The following USP34 variants were observed in gnomAD, a reference collection of about 807,000 sequenced individuals.
The protein encoded by USP34 is ubiquitin specific peptidase 34.
USP34 carries 70 observed loss-of-function variants against 460.3 expected under a neutral mutation model. That is an observed-to-expected ratio of 0.15 (90% CI 0.13 to 0.19). USP34 has a LOEUF of 0.19. Among genes scored for constraint, USP34 ranks in the 10% least tolerant of loss-of-function variants. USP34 has a pLI of 1.00. For synonymous variants in USP34, 1,647 were observed against 1,405.3 expected, an observed-to-expected ratio of 1.17 and a Z score of -3.85; for missense variants, 3,985 against 4,236.2, an observed-to-expected ratio of 0.94 and a Z score of 1.65.
chr2:61,437,817 A>ATAAATAAATAAATAAC (rs1553391325), intron 1 of USP34, among the ~76,000 whole-genome samples: 2 of 149,782 alleles, frequency 1.3e-5, no homozygotes, highest in East Asian at 1.9e-4. Flanking sequence ...AAATAAATAA[A>ATAAATAAATAAATAAC]AAACCTGAAC....
intron 1 of USP34, among the ~76,000 whole-genome samples, chr2:61,456,509 G>A (rs1393638938): frequency 6.6e-6 from 1 of 152,150 alleles, no homozygotes; most frequent in Non-Finnish European, 1.5e-5. Flanking sequence ...GTGGTATGAA[G>A]ATGTGGTATA....
chr2:61,431,351 T>C (rs1179836933), intron 1 of USP34, among the ~76,000 whole-genome samples: 1 of 152,144 alleles, frequency 6.6e-6, no homozygotes, highest in Non-Finnish European at 1.5e-5. Flanking sequence ...GCCTCCCAAG[T>C]AGCTGAGACT....
chr2:61,193,391 T>C (rs941434810), intron 75 of USP34: 1 of 86,836 alleles, frequency 1.2e-5, no homozygotes, highest in African/African-American at 4.1e-5. Context: ...AAAAAAAAAG[T>C]GGAGAATTAA....
At chr2:61,369,996 A>AC (rs1045684003) in intron 10 of USP34, among the ~76,000 whole-genome samples, 2 of 151,782 alleles carry the variant, frequency 1.3e-5, no homozygotes, top group Admixed American at 6.6e-5. Context: ...AAAAAAAAAA[A>AC]AAAAAACAGT....
chr2:61,423,674 C>G (rs1252847231), intron 1 of USP34, among the ~76,000 whole-genome samples: 2 of 152,168 alleles, frequency 1.3e-5, no homozygotes, highest in African/African-American at 2.4e-5. Context: ...TGAGGCCCAA[C>G]AGCTCACACC....
chr2:61,278,545 T>C, intron 39 of USP34, 102 bp from the exon 40 acceptor site: 1 of 880,434 alleles, frequency 1.1e-6, no homozygotes, highest in South Asian at 2.1e-5. Flanking sequence ...ATAATTTAGT[T>C]CTCCCAAATT....
At chr2:61,391,118 T>A (rs1693332523) in intron 5 of USP34, among the ~76,000 whole-genome samples, 1 of 150,222 alleles carries the variant, frequency 6.7e-6, no homozygotes, top group Non-Finnish European at 1.5e-5. Flanking sequence ...AAAATAACAC[T>A]CACCATCTGA....
intron 34 of USP34, among the ~76,000 whole-genome samples, chr2:61,285,229 C>T (rs1474378133): frequency 1.3e-5 from 2 of 152,000 alleles, no homozygotes; most frequent in African/African-American, 2.4e-5. Flanking sequence ...ACTGTAATTG[C>T]TGTAATCCCA....
Position 61,222,603 on chromosome 2 carries a change from A to G in USP34, c.7794+16T>C, listed in dbSNP as rs1270199662. On this transcript the variant is annotated intron_variant, in intron 65 of 79. Transcript: ENST00000398571. ...AAAATTGTTTTAAAAACATAAATTA[A>G]CAAATGTTTACATACCTCAGGAGTC... is the stretch of plus-strand genomic sequence containing the variant. 6.2e-7 allele frequency: 1 copy of G among 1,605,784 alleles called. No homozygotes were observed. Among genetic ancestry groups the G allele is most frequent in the Admixed American group, 1.7e-5 (1 of 59,460 alleles).
chr2:61,264,038 A>C (rs1428570900), intron 43 of USP34, among the ~76,000 whole-genome samples: 2 of 152,198 alleles, frequency 1.3e-5, no homozygotes. Flanking sequence ...TTGCCAGCTA[A>C]AAAGAAAACC....
intron 1 of USP34, among the ~76,000 whole-genome samples, chr2:61,466,011 C>T (rs1219671405): frequency 6.6e-6 from 1 of 151,654 alleles, no homozygotes; most frequent in African/African-American, 2.4e-5. Flanking sequence ...AAAAACACAA[C>T]AAAATTTGCT....
At chr2:61,364,811 T>A (rs764826665) in intron 10 of USP34, among the ~76,000 whole-genome samples, 1 of 151,920 alleles carries the variant, frequency 6.6e-6, no homozygotes, top group Non-Finnish European at 1.5e-5. Context: ...ACGTCTGTAA[T>A]CCCAGCTACT....
chr2:61,257,512 T>C (rs1168774899), intron 44 of USP34, among the ~76,000 whole-genome samples, 162 bp from the exon 45 acceptor site: 1 of 152,224 alleles, frequency 6.6e-6, no homozygotes, highest in Non-Finnish European at 1.5e-5. Flanking sequence ...CATAGTATTT[T>C]TAATTTAATG....
chr2:61,464,332 C>CCAA (rs994639840), intron 1 of USP34, among the ~76,000 whole-genome samples: 1 of 151,452 alleles, frequency 6.6e-6, no homozygotes, highest in Non-Finnish European at 1.5e-5. Context: ...AACACCACCA[C>CCAA]CAACAAAATA....
intron 53 of USP34, among the ~76,000 whole-genome samples, chr2:61,239,304 A>T (rs7560237): frequency 0.21 from 7,167 of 33,356 alleles, 169 homozygotes; most frequent in South Asian, 0.33. Context: ...GCCCTGTCAC[A>T]CACACACACA....
At chr2:61,190,186 T>G in intron 78 of USP34, 85 bp downstream of exon 78, 1 of 1,497,376 alleles carries the variant, frequency 6.7e-7, no homozygotes, top group Non-Finnish European at 8.9e-7. Flanking sequence ...AAGTTAAAGT[T>G]ACGAGAGTAA....
intron 62 of USP34, among the ~76,000 whole-genome samples, chr2:61,224,343 C>T (rs1280264529): frequency 6.6e-6 from 1 of 152,150 alleles, no homozygotes; most frequent in African/African-American, 2.4e-5. Flanking sequence ...GTTTCTCTGT[C>T]CCTGCATTTT....
chr2:61,355,168 G>C (rs988365034), intron 10 of USP34, among the ~76,000 whole-genome samples: 1 of 152,136 alleles, frequency 6.6e-6, no homozygotes, highest in African/African-American at 2.4e-5. Context: ...GGGAATAATG[G>C]AATGATTTAA....
At chr2:61,222,937 T>C in intron 64 of USP34, 123 bp downstream of exon 64, 5 of 859,684 alleles carry the variant, frequency 5.8e-6, no homozygotes, top group Non-Finnish European at 8.9e-6. Flanking sequence ...GCTCAAGCGA[T>C]CCTCCCGCCT....
Sources: allele counts gnomAD v4.1 joint callset (sites outside exome capture counted in the v4.1 genomes callset), GRCh38; gene constraint gnomAD v4.1.1; transcripts MANE v1.5; gene names NCBI Gene and HGNC (gene_info 2026-07-23, HGNC 2026-07-21).